MAN1A2: variants seen among roughly 807,000 people sequenced by gnomAD.
MAN1A2 encodes mannosyl-oligosaccharide 1,2-alpha-mannosidase IB.
MAN1A2 carries 26 observed loss-of-function variants against 75.7 expected under a neutral mutation model. The observed-to-expected ratio is 0.34, with a 90% CI of 0.25 to 0.48. MAN1A2 has a LOEUF of 0.48. MAN1A2 is among the 20% of genes least tolerant of loss of function. The pLI is 0.99. For synonymous variants in MAN1A2, 247 were observed against 264.6 expected (o/e 0.93, Z 0.65); for missense variants, 562 against 775.5 (o/e 0.72, Z 3.27).
At chr1:117,492,576 A>C (rs1358750268) in intron 8 of MAN1A2, among the ~76,000 whole-genome samples, 1 of 152,044 alleles carries the variant, frequency 6.6e-6, no homozygotes, top group East Asian at 1.9e-4. Context: ...GTGTGTACTA[A>C]AATTTGTATG....
intron 3 of MAN1A2, among the ~76,000 whole-genome samples, chr1:117,407,206 A>G (rs913915219): frequency 5.3e-5 from 8 of 152,124 alleles, no homozygotes; most frequent in Non-Finnish European, 1.0e-4. Flanking sequence ...TTCCAGCCAG[A>G]TAAGCTAAGT....
chr1:117,403,009 G>C (rs1647492997), intron 2 of MAN1A2, among the ~76,000 whole-genome samples: 1 of 152,036 alleles, frequency 6.6e-6, no homozygotes, highest in Non-Finnish European at 1.5e-5. Flanking sequence ...TTGTTATTCT[G>C]TAGTTACTTA....
intron 5 of MAN1A2, among the ~76,000 whole-genome samples, chr1:117,439,108 ACATACCTGG>A (rs1648943072): frequency 6.6e-6 from 1 of 152,194 alleles, no homozygotes; most frequent in Non-Finnish European, 1.5e-5. Context: ...TGAAACGAAA[ACATACCTGG>A]CATCCTTAGA....
intron 5 of MAN1A2, among the ~76,000 whole-genome samples, chr1:117,439,497 A>C (rs1429644665): frequency 6.8e-6 from 1 of 147,200 alleles, no homozygotes; most frequent in Admixed American, 6.7e-5. Context: ...GTGTTGTCTT[A>C]CTTTTTTTTT....
chr1:117,512,461 A>G lies in MAN1A2; in HGVS notation c.1793+9491A>G, dbSNP rs116315723. The stretch of plus-strand genomic sequence containing the variant: ...GGGCCTAAGAATTTGCGTTTTTAAC[A>G]AGTTCCCAGGTGATGCTGATGCTGC... On this transcript the variant is annotated intron_variant, in intron 12 of 12. Transcript: ENST00000356554. Among the ~76,000 whole-genome samples, 821 of 152,142 alleles carry G rather than the reference A, an allele frequency of 5.4e-3. 9 individuals carry two copies. Among genetic ancestry groups the G allele is most frequent in the South Asian group, 0.015 (70 of 4,824 alleles).
chr1:117,476,509 T>G (rs764891309), intron 8 of MAN1A2, among the ~76,000 whole-genome samples: 14 of 152,154 alleles, frequency 9.2e-5, no homozygotes, highest in Non-Finnish European at 1.6e-4. Flanking sequence ...TTTAAGTCTT[T>G]AATCCATCTT....
intron 6 of MAN1A2, among the ~76,000 whole-genome samples, chr1:117,450,743 C>G (rs1468644805): frequency 6.6e-6 from 1 of 152,174 alleles, no homozygotes; most frequent in Non-Finnish European, 1.5e-5. Context: ...TCAGAGGGTG[C>G]AAGCCTCAAG....
intron 12 of MAN1A2, among the ~76,000 whole-genome samples, chr1:117,504,886 A>T (rs763379133): frequency 3.1e-4 from 47 of 151,552 alleles, no homozygotes; most frequent in African/African-American, 1.1e-3. Flanking sequence ...CATGAACATT[A>T]TATGGATCTG....
intron 1 of MAN1A2, among the ~76,000 whole-genome samples, chr1:117,377,837 A>G (rs1653203800): frequency 6.6e-6 from 1 of 152,218 alleles, no homozygotes; most frequent in Non-Finnish European, 1.5e-5. Flanking sequence ...TTATTGGCTC[A>G]TGCCTGTAAT....
intron 11 of MAN1A2, among the ~76,000 whole-genome samples, chr1:117,500,346 CA>C (rs1651163198): frequency 6.6e-6 from 1 of 151,880 alleles, no homozygotes; most frequent in Non-Finnish European, 1.5e-5. Flanking sequence ...TTTGCTTATC[CA>C]AAAAGCCCTT....
At chr1:117,392,375 T>A (rs1208182632) in intron 1 of MAN1A2, among the ~76,000 whole-genome samples, 1 of 152,128 alleles carries the variant, frequency 6.6e-6, no homozygotes, top group Non-Finnish European at 1.5e-5. Flanking sequence ...CATGTATGTC[T>A]TTCTCTGTTT....
chr1:117,454,220 A>G (rs1241045275), intron 6 of MAN1A2, among the ~76,000 whole-genome samples: 1 of 152,182 alleles, frequency 6.6e-6, no homozygotes, highest in Non-Finnish European at 1.5e-5. Context: ...TATCTCTGAG[A>G]TATGCCTGTT....
At chr1:117,458,504 T>TA (rs1557959058) in intron 6 of MAN1A2, among the ~76,000 whole-genome samples, 3 of 101,826 alleles carry the variant, frequency 2.9e-5, no homozygotes, top group Non-Finnish European at 5.9e-5. Context: ...TATCTATATA[T>TA]ATATATAGAT....
intron 8 of MAN1A2, among the ~76,000 whole-genome samples, chr1:117,482,762 A>G (rs976473020): frequency 2.0e-5 from 3 of 151,976 alleles, no homozygotes; most frequent in Non-Finnish European, 4.4e-5. Flanking sequence ...CCATTTGTCT[A>G]TTTTGGCTTT....
chr1:117,439,497 A>T (rs1429644665), intron 5 of MAN1A2, among the ~76,000 whole-genome samples: 1 of 147,200 alleles, frequency 6.8e-6, no homozygotes, highest in Non-Finnish European at 1.5e-5. Context: ...GTGTTGTCTT[A>T]CTTTTTTTTT....
At chr1:117,425,883 G>A (rs1362706203) in intron 5 of MAN1A2, among the ~76,000 whole-genome samples, 1 of 151,960 alleles carries the variant, frequency 6.6e-6, no homozygotes, top group East Asian at 1.9e-4. Context: ...ATGCCTTTTT[G>A]TCTTCATTTC....
intron 8 of MAN1A2, among the ~76,000 whole-genome samples, chr1:117,470,522 T>C (rs1190958128): frequency 6.6e-6 from 1 of 152,068 alleles, no homozygotes; most frequent in African/African-American, 2.4e-5. Context: ...AAAAGATAAC[T>C]TTTATTCCTC....
In MAN1A2 at chr1:117,394,603, G is replaced by A. The variant is rs542862556; in HGVS notation, c.303-7583G>A. 2.6e-5 allele frequency among the ~76,000 whole-genome samples: 4 copies of A among 152,320 alleles called. No homozygotes were observed. The East Asian group carries it at 7.7e-4, about 29-fold the overall frequency. On this transcript the variant is annotated intron_variant, in intron 1 of 12. Coordinates refer to ENST00000356554, the MANE Select transcript of MAN1A2 (RefSeq NM_006699.5). The stretch of plus-strand genomic sequence containing the variant: ...CTTCTTCTGTTTCTACTGAATGAGT[G>A]TAAGAGCAGAAGTGACCAAAAGGCT...
chr1:117,368,167 C>A lies in MAN1A2; in HGVS notation c.-17C>A. On this transcript the variant is annotated 5_prime_UTR_variant, in exon 1 of 13. Transcript: ENST00000356554. The stretch of plus-strand genomic sequence containing the variant: ...AGATGAGAACTTTCTAAAGTATTCT[C>A]TCCAAGAGCGTAAACGATGACTACC... 1.4e-5 allele frequency: 22 copies of A among 1,597,088 alleles called. No individual in the cohort carries two copies. The highest frequency in any genetic ancestry group is 1.9e-5 in the Non-Finnish European group (22 of 1,173,834).
Sources: gnomAD v4.1 joint callset for allele counts (sites outside exome capture counted in the v4.1 genomes callset) on GRCh38, gnomAD v4.1.1 for gene constraint, MANE v1.5 for transcripts, NCBI Gene and HGNC (gene_info 2026-07-23, HGNC 2026-07-21) for gene names.